Variants in TLE2 observed in about 807,000 individuals in gnomAD.
TLE2 encodes the protein transducin-like enhancer protein 2.
TLE2 carries 74 observed loss-of-function variants against 97.2 expected under a neutral mutation model. That is an observed-to-expected ratio of 0.76 (90% CI 0.63 to 0.92). The LOEUF is 0.92. Among genes scored for constraint, TLE2 ranks in the 40% least tolerant of loss-of-function variants. TLE2 has a pLI of 0.00. For missense variants in TLE2, 1,038 were observed against 1,008.7 expected, an observed-to-expected ratio of 1.03 and a Z score of -0.39; for synonymous variants, 499 against 432.1, an observed-to-expected ratio of 1.15 and a Z score of -1.92.
intron 5 of TLE2, among the ~76,000 whole-genome samples, chr19:3,024,402 T>C (rs913596540): frequency 3.3e-5 from 5 of 151,904 alleles, no homozygotes; most frequent in Non-Finnish European, 7.4e-5. Context: ...TCTCCAGAAT[T>C]TTCCCATCTT....
intron 1 of TLE2, among the ~76,000 whole-genome samples, chr19:3,044,816 T>A (rs8104169): frequency 0.59 from 89,586 of 152,140 alleles, 27,458 homozygotes; most frequent in Middle Eastern, 0.68. Context: ...GAAACCCAAA[T>A]CAGACAAACT....
intron 12 of TLE2, 141 bp downstream of exon 12, chr19:3,010,881 T>G (rs1413453662): frequency 8.4e-7 from 1 of 1,184,696 alleles, no homozygotes; most frequent in African/African-American, 1.6e-5. Context: ...GGAGGCAGCG[T>G]CTAACTTGAA....
intron 5 of TLE2, among the ~76,000 whole-genome samples, chr19:3,021,003 C>T (rs1420884196): frequency 6.9e-6 from 1 of 145,726 alleles, no homozygotes; most frequent in East Asian, 2.0e-4. Flanking sequence ...ACAGGAGAAT[C>T]ACTTGAACCC....
intron 14 of TLE2, among the ~76,000 whole-genome samples, chr19:3,007,537 A>G (rs1357605955): frequency 6.6e-6 from 1 of 152,170 alleles, no homozygotes; most frequent in Non-Finnish European, 1.5e-5. Flanking sequence ...GGAGTGAGCC[A>G]TGGTGCTCGG....
rs769973277 is a variant in TLE2, at chr19:3,005,497, C to G, written c.1836G>C (p.Thr612=). 18 of 1,613,644 alleles carry G rather than the reference C, an allele frequency of 1.1e-5. No individual in the cohort carries two copies. Among genetic ancestry groups the G allele is most frequent in the Non-Finnish European group, 1.5e-5 (18 of 1,179,790 alleles). The change falls in exon 17 of 20, where the codon ACG becomes ACC. Residue 612 remains threonine, a synonymous_variant. Coordinates refer to ENST00000262953, the MANE Select transcript of TLE2 (RefSeq NM_003260.5). ...TRLWTGGLDN[T]VRCWDLREGR... is the part of the protein sequence containing the mutation. ...CCTCCCGCAGGTCCCAGCAGCGCAC[C>G]GTGTTGTCCAGGCCCCCTGTCCAGA... is the stretch of plus-strand genomic sequence containing the variant.
At chr19:3,000,569 G>T in intron 19 of TLE2, 78 bp downstream of exon 19, 1 of 1,360,328 alleles carries the variant, frequency 7.4e-7, no homozygotes. Context: ...GACAGGGACA[G>T]GGGCAATCTC....
At position 3,028,813 on chromosome 19, in the gene TLE2, GT is replaced by G; in HGVS notation, c.25-11del. On this transcript the variant is annotated splice_polypyrimidine_tract_variant and intron_variant, in intron 1 of 19. Transcript: ENST00000262953. ...CGGACTGGAGCGGGGTCTGGGGGGG[GT>G]GTGGGGGAAACGTCAGGGTCTGAGT... The G allele has an allele frequency of 2.5e-6, 4 of 1,612,062 alleles. No homozygotes were observed. Among genetic ancestry groups the G allele is most frequent in the Non-Finnish European group, 3.4e-6 (4 of 1,179,532 alleles).
upstream of TLE2, among the ~76,000 whole-genome samples, chr19:3,033,511 A>G (rs1415303884): frequency 6.6e-6 from 1 of 152,100 alleles, no homozygotes; most frequent in Non-Finnish European, 1.5e-5. Context: ...CATGTTGGCC[A>G]GGCTGGTCTT....
upstream of TLE2, chr19:3,029,330 GCC>G (rs2090000066): frequency 5.8e-6 from 1 of 172,048 alleles, no homozygotes; most frequent in African/African-American, 2.5e-5. Flanking sequence ...GCCCCCACGC[GCC>G]CGCGGCCCGC....
At position 3,013,862 on chromosome 19, in the gene TLE2, GA is replaced by G. The variant is rs1358408448; in HGVS notation, c.724-45del. 3 of 1,429,068 alleles carry G rather than the reference GA, an allele frequency of 2.1e-6. No individual in the cohort carries two copies. In the African/African-American group the frequency reaches 4.4e-5, roughly 21 times the overall value. 88.5% of individuals were successfully genotyped at this position (1,429,068 alleles called of 1,614,324 possible). ...CGTTGAGCAGAGTTGAAATGAGAGG[GA>G]AAGAAGAGTCCCTTCTCTATCCTCC... On this transcript the variant is annotated intron_variant, in intron 10 of 19. Coordinates refer to ENST00000262953, the MANE Select transcript of TLE2 (RefSeq NM_003260.5).
At position 3,005,862 on chromosome 19, in the gene TLE2, G is replaced by A. The variant is rs2089463544; in HGVS notation, c.1607C>T (p.Thr536Ile). The A allele has an allele frequency of 1.9e-6, 3 of 1,613,956 alleles. No individual in the cohort carries two copies. Among genetic ancestry groups the A allele is most frequent in the Admixed American group, 3.3e-5 (2 of 59,994 alleles). ...TLSIWDLAAP[T>I]PRIKAELTSS... is the part of the protein sequence containing the mutation. ...AGTCAGCTCGGCCTTGATACGGGGG[G>A]TGGGCGCCGCCAGGTCCCAAATGGA... Residue 536 changes from threonine to isoleucine, a missense_variant, in exon 16 of 20, where the codon ACC becomes ATC. Coordinates refer to ENST00000262953, the MANE Select transcript of TLE2 (RefSeq NM_003260.5).
upstream of TLE2, among the ~76,000 whole-genome samples, chr19:3,030,213 C>A (rs543835434): frequency 1.3e-5 from 2 of 152,322 alleles, no homozygotes; most frequent in African/African-American, 4.8e-5. Context: ...ACTGGGCTGT[C>A]TCCCCTCTCA....
upstream of TLE2, among the ~76,000 whole-genome samples, chr19:3,046,931 T>C (rs1485570788): frequency 3.8e-3 from 273 of 71,394 alleles, no homozygotes; most frequent in Middle Eastern, 0.033. Flanking sequence ...CCCCCTCCTC[T>C]GCCTCCCCCT....
At chr19:3,004,522 C>G (rs2145122240) in intron 17 of TLE2, among the ~76,000 whole-genome samples, 1 of 151,442 alleles carries the variant, frequency 6.6e-6, no homozygotes, top group East Asian at 1.9e-4. Context: ...TCCTGTAGTC[C>G]CAGCTACTCA....
At chr19:3,043,014 C>T (rs1237788255) in intron 1 of TLE2, among the ~76,000 whole-genome samples, 1 of 152,140 alleles carries the variant, frequency 6.6e-6, no homozygotes, top group Non-Finnish European at 1.5e-5. Context: ...AGACAGGGGT[C>T]TCACTGTGTG....
At chr19:3,016,419 CAAAAAAAA>C (rs34669546) in intron 8 of TLE2, among the ~76,000 whole-genome samples, 1 of 91,542 alleles carries the variant, frequency 1.1e-5, no homozygotes, top group East Asian at 3.5e-4. Flanking sequence ...ACTAAAAATA[CAAAAAAAA>C]AAAAAAAAAA....
intron 4 of TLE2, 42 bp downstream of exon 4, chr19:3,027,787 C>T (rs963893550): frequency 1.3e-6 from 2 of 1,598,958 alleles, no homozygotes; most frequent in Non-Finnish European, 8.5e-7. Flanking sequence ...CTTCCAGACC[C>T]CCACCCTCCC....
upstream of TLE2, among the ~76,000 whole-genome samples, chr19:3,032,235 G>A (rs1391149177): frequency 2.1e-5 from 3 of 144,052 alleles, no homozygotes; most frequent in African/African-American, 5.2e-5. The surrounding 1 kb of genome is among the most constrained non-coding windows in gnomAD (Gnocchi z 4.1). Flanking sequence ...CCTGGCCTTC[G>A]GTTTTTTTGT....
In TLE2 at chr19:3,014,626, T is replaced by G. The variant is rs765698130; in HGVS notation, c.679-12A>C. On this transcript the variant is annotated splice_polypyrimidine_tract_variant and intron_variant, in intron 9 of 19. Transcript: ENST00000262953. ...TCTTCGTCGCTTTCCTGGGGGAAGA[T>G]GGGGGAGAGAGCTCATTGTGGTCAT... 2.5e-6 allele frequency: 4 copies of G among 1,589,848 alleles called. No homozygotes were observed. Among genetic ancestry groups the G allele is most frequent in the Non-Finnish European group, 3.4e-6 (4 of 1,167,820 alleles).
Sources: allele counts gnomAD v4.1 joint callset (sites outside exome capture counted in the v4.1 genomes callset), GRCh38; gene constraint gnomAD v4.1.1; non-coding constraint Gnocchi (gnomAD v3.1); transcripts MANE v1.5; gene names NCBI Gene and HGNC (gene_info 2026-07-23, HGNC 2026-07-21).